Variants in PRDX6 observed in about 807,000 individuals in gnomAD.
PRDX6 encodes the protein peroxiredoxin 6.
Under a neutral mutation model 20.0 loss-of-function variants are expected in PRDX6, and 13 were observed. The observed-to-expected ratio is 0.65, with a 90% CI of 0.42 to 1.03. PRDX6 has a LOEUF of 1.03. Ranked by LOEUF, PRDX6 falls within the 50% of genes least tolerant of loss-of-function variation. The probability of loss-of-function intolerance (pLI) is 0.00; values close to 1 mark genes in which losing one functional copy is unlikely to be tolerated. For synonymous variants in PRDX6, 85 were observed against 100.8 expected (o/e 0.84, Z 0.94); for missense variants, 203 against 276.9 (o/e 0.73, Z 1.89).
At position 173,488,237 on chromosome 1, in the gene PRDX6, C is replaced by T. The variant is rs35364344; in HGVS notation, c.*374C>T. On this transcript the variant is annotated 3_prime_UTR_variant, in exon 5 of 5. Transcript: ENST00000340385. Reference sequence around the variant, plus strand: ...CAATTTTTTTTTAACTGTCCTATCACGTCCTCTCCTGTCACCCATTTTGAA... The same window carrying T: ...CAATTTTTTTTTAACTGTCCTATCATGTCCTCTCCTGTCACCCATTTTGAA... 415 of 163,718 alleles carry T rather than the reference C, an allele frequency of 2.5e-3. 3 individuals carry two copies. The highest frequency in any genetic ancestry group is 9.3e-3 in the African/African-American group (389 of 41,874). 10.1% of individuals were successfully genotyped at this position (163,718 alleles called of 1,614,324 possible).
At chr1:173,485,284 G>T in intron 2 of PRDX6, 77 bp from the exon 3 acceptor site, 1 of 1,371,428 alleles carries the variant, frequency 7.3e-7, no homozygotes, top group Non-Finnish European at 9.9e-7. Flanking sequence ...GTCTTGCAAG[G>T]TGATGGCTGT....
intron 1 of PRDX6, among the ~76,000 whole-genome samples, chr1:173,479,537 A>G (rs1557996090): frequency 6.6e-6 from 1 of 152,246 alleles, no homozygotes; most frequent in Non-Finnish European, 1.5e-5. Flanking sequence ...AGTTTACCTT[A>G]TCGCTGTTTC....
chr1:173,481,696 A>G (rs1658803874), intron 2 of PRDX6: 2 of 550,950 alleles, frequency 3.6e-6, no homozygotes. Flanking sequence ...GCAGCATTCA[A>G]CCCAGCTGAT....
chr1:173,480,759 T>C (rs1252426617), intron 1 of PRDX6, among the ~76,000 whole-genome samples: 1 of 152,178 alleles, frequency 6.6e-6, no homozygotes, highest in Non-Finnish European at 1.5e-5. Flanking sequence ...TACAAAAGAT[T>C]TTATATCCAC....
chr1:173,484,146 ATATATT>A (rs1658855210), intron 2 of PRDX6, among the ~76,000 whole-genome samples: 2 of 118,826 alleles, frequency 1.7e-5, no homozygotes, highest in African/African-American at 8.3e-5. Context: ...AATTAGATAT[ATATATT>A]TATATATATA....
intron 2 of PRDX6, among the ~76,000 whole-genome samples, 178 bp from the exon 3 acceptor site, chr1:173,485,183 T>C (rs1658876385): frequency 6.6e-6 from 1 of 152,250 alleles, no homozygotes; most frequent in African/African-American, 2.4e-5. Flanking sequence ...CTGTTATTCC[T>C]GGCAATAATT....
intron 1 of PRDX6, 83 bp from the exon 2 acceptor site, chr1:173,481,243 A>T: frequency 7.5e-7 from 1 of 1,337,858 alleles, no homozygotes; most frequent in Non-Finnish European, 1.0e-6. Flanking sequence ...CCTGTTTTTG[A>T]TCCAGAAGTT....
At chr1:173,483,096 A>G (rs1480364568) in intron 2 of PRDX6, among the ~76,000 whole-genome samples, 2 of 152,254 alleles carry the variant, frequency 1.3e-5, no homozygotes, top group Non-Finnish European at 2.9e-5. Context: ...TGCAAGTGGC[A>G]GAGTAGAGAA....
intron 1 of PRDX6, chr1:173,481,088 A>G: frequency 2.1e-6 from 1 of 477,960 alleles, no homozygotes; most frequent in Non-Finnish European, 3.7e-6. Context: ...AGTCTTTTTA[A>G]ATATGTGTCA....
intron 4 of PRDX6, 78 bp from the exon 5 acceptor site, chr1:173,487,656 CT>C: frequency 6.5e-7 from 1 of 1,530,040 alleles, no homozygotes; most frequent in Non-Finnish European, 8.9e-7. Context: ...CCTGTAGCTA[CT>C]TTTCTAAAGT....
rs1557995191 is a variant in PRDX6, at chr1:173,477,376, G to A, written c.-22G>A. The A allele has an allele frequency of 2.5e-6, 4 of 1,593,164 alleles. No individual in the cohort carries two copies. The highest frequency in any genetic ancestry group is 2.6e-6 in the Non-Finnish European group (3 of 1,167,630). ...CAACCGGTTGCTTGCTGTCCCAGCG[G>A]CGCCCCCTCATCACCGTCGCCATGC... On this transcript the variant is annotated 5_prime_UTR_variant, in exon 1 of 5. Coordinates refer to ENST00000340385, the MANE Select transcript of PRDX6 (RefSeq NM_004905.3).
chr1:173,477,512 C>G lies in PRDX6; in HGVS notation c.95+20C>G. On this transcript the variant is annotated intron_variant, in intron 1 of 4. Transcript: ENST00000340385. ...AGACTCGTAAGTGGCCACCGCGTAG[C>G]CCTGTCCTGGCCTCGGTTGCGCCGG... 2.5e-6 allele frequency: 4 copies of G among 1,583,634 alleles called. No individual in the cohort carries two copies. The highest frequency in any genetic ancestry group is 3.4e-6 in the Non-Finnish European group (4 of 1,161,428).
intron 1 of PRDX6, among the ~76,000 whole-genome samples, chr1:173,477,772 G>A (rs12729437): frequency 2.0e-5 from 3 of 152,226 alleles, no homozygotes; most frequent in Admixed American, 1.3e-4. Context: ...ACGCCAAGGT[G>A]GGGGGTGGGG....
chr1:173,481,503 G>A (rs768528960), intron 2 of PRDX6, 21 bp downstream of exon 2: 1 of 1,609,446 alleles, frequency 6.2e-7, no homozygotes, highest in South Asian at 1.1e-5. Flanking sequence ...ATTGGCATGT[G>A]CTTTGAGCCT....
intron 1 of PRDX6, among the ~76,000 whole-genome samples, chr1:173,480,488 A>G (rs1004609606): frequency 1.1e-4 from 16 of 152,238 alleles, no homozygotes; most frequent in African/African-American, 3.9e-4. Context: ...ATGGTACTTC[A>G]GCTTTCTTCG....
At chr1:173,477,640 G>T (rs888025632) in intron 1 of PRDX6, 148 bp downstream of exon 1, 24 of 664,004 alleles carry the variant, frequency 3.6e-5, no homozygotes, top group Non-Finnish European at 5.5e-5. Context: ...GCGCGCGCCA[G>T]GCCGTGTGGC....
intron 1 of PRDX6, among the ~76,000 whole-genome samples, chr1:173,480,867 G>A (rs1658789631): frequency 1.3e-5 from 2 of 152,196 alleles, no homozygotes; most frequent in Admixed American, 1.3e-4. Context: ...TATTATTGCA[G>A]TCAGGCATTT....
chr1:173,487,333 A>T (rs1571398694), intron 4 of PRDX6, among the ~76,000 whole-genome samples: 2 of 152,324 alleles, frequency 1.3e-5, no homozygotes, highest in East Asian at 3.9e-4. Context: ...AGTGCAAGAA[A>T]CTGGGCCTAC....
chr1:173,486,549 G>C, intron 4 of PRDX6, 148 bp downstream of exon 4: 1 of 801,850 alleles, frequency 1.2e-6, no homozygotes, highest in Non-Finnish European at 1.9e-6. Flanking sequence ...TTTGCTGAAA[G>C]GCCCTTTTCA....
Sources: gnomAD v4.1 joint callset for allele counts (sites outside exome capture counted in the v4.1 genomes callset) on GRCh38, gnomAD v4.1.1 for gene constraint, MANE v1.5 for transcripts, NCBI Gene and HGNC (gene_info 2026-07-23, HGNC 2026-07-21) for gene names.